Variants in KHDRBS2 observed in about 807,000 individuals in gnomAD.
KHDRBS2 encodes the protein KH RNA binding domain containing, signal transduction associated 2.
Under a neutral mutation model 44.3 loss-of-function variants are expected in KHDRBS2, and 26 were observed. The observed-to-expected ratio is 0.59, with a 90% CI of 0.43 to 0.81. KHDRBS2 has a LOEUF of 0.81. Ranked by LOEUF, KHDRBS2 falls within the 40% of genes least tolerant of loss-of-function variation. The pLI is 0.00. For synonymous variants in KHDRBS2, 194 were observed against 151.1 expected, an observed-to-expected ratio of 1.28 and a Z score of -2.08; for missense variants, 476 against 433.1, an observed-to-expected ratio of 1.10 and a Z score of -0.88.
At position 61,942,413 on chromosome 6, in the gene KHDRBS2, A is replaced by G. The variant is rs183821245; in HGVS notation, c.483+35653T>C. On this transcript the variant is annotated intron_variant, in intron 4 of 8. Coordinates refer to ENST00000281156, the MANE Select transcript of KHDRBS2 (RefSeq NM_152688.4). ...AAAAGAACAAAACAAAAATTCTGCA[A>G]CTGAAGAATGAAATGAAGGAAAAAA... Among the ~76,000 whole-genome samples, 145 of 152,290 alleles carry G rather than the reference A, an allele frequency of 9.5e-4. 1 individual carries two copies. The Middle Eastern group carries it at 0.027, about 29-fold the overall frequency.
intron 2 of KHDRBS2, among the ~76,000 whole-genome samples, chr6:62,058,239 C>A (rs1018621600): frequency 1.3e-5 from 2 of 151,808 alleles, no homozygotes; most frequent in Non-Finnish European, 2.9e-5. Flanking sequence ...ACTGGCATCA[C>A]CTGTGAAGAA....
intron 6 of KHDRBS2, among the ~76,000 whole-genome samples, chr6:61,875,564 A>G (rs979392392): frequency 6.6e-6 from 1 of 152,136 alleles, no homozygotes; most frequent in African/African-American, 2.4e-5. Flanking sequence ...ACAGCTATAT[A>G]ACTGTTTGTC....
chr6:61,587,233 C>T, the KHDRBS2 span, among the ~76,000 whole-genome samples: 3 of 152,152 alleles, frequency 2.0e-5, no homozygotes, highest in African/African-American at 7.2e-5. Context: ...TCTTTTGGAG[C>T]TGCCAATTCA....
chr6:61,795,716 A>G (rs1785249473), intron 6 of KHDRBS2, among the ~76,000 whole-genome samples: 1 of 152,068 alleles, frequency 6.6e-6, no homozygotes, highest in Non-Finnish European at 1.5e-5. Context: ...CCTGAAAATC[A>G]TTTTTACATT....
At chr6:62,066,805 A>T (rs1170373060) in intron 2 of KHDRBS2, among the ~76,000 whole-genome samples, 1 of 151,622 alleles carries the variant, frequency 6.6e-6, no homozygotes, top group Non-Finnish European at 1.5e-5. Context: ...TTCCAAGTGA[A>T]ACATTTTAAA....
chr6:62,163,130 C>A (rs184954512), intron 2 of KHDRBS2, among the ~76,000 whole-genome samples: 6 of 151,912 alleles, frequency 3.9e-5, no homozygotes, highest in African/African-American at 9.6e-5. Flanking sequence ...TATTAAGTTG[C>A]GTGGAAGAGT....
the KHDRBS2 span, among the ~76,000 whole-genome samples, chr6:61,673,951 G>A: frequency 2.0e-5 from 3 of 151,482 alleles, no homozygotes; most frequent in African/African-American, 7.3e-5. Flanking sequence ...AACCAAAAAA[G>A]AGCCCGCATC....
chr6:61,580,558 C>A, the KHDRBS2 span, among the ~76,000 whole-genome samples: 5 of 152,154 alleles, frequency 3.3e-5, no homozygotes, highest in African/African-American at 1.2e-4. Flanking sequence ...GTCTGCACTA[C>A]CTTTATGAGC....
At chr6:61,795,790 G>A (rs925188853) in intron 6 of KHDRBS2, among the ~76,000 whole-genome samples, 1 of 151,982 alleles carries the variant, frequency 6.6e-6, no homozygotes, top group Non-Finnish European at 1.5e-5. Context: ...ATATTCATTG[G>A]CTTGTTTACT....
rs977624711 is a variant in KHDRBS2 at position 62,064,626 on chromosome 6, C to T, written c.220-16632G>A. 7.1e-4 allele frequency among the ~76,000 whole-genome samples: 107 copies of T among 150,226 alleles called. No homozygotes were observed. The Middle Eastern group carries it at 0.01, about 14-fold the overall frequency. Reference sequence around the variant, plus strand: ...CCTTCCTTACACCTTATACAAAAATCAATTCAAGATGGATTAAAGATTTGA... The same window carrying T: ...CCTTCCTTACACCTTATACAAAAATTAATTCAAGATGGATTAAAGATTTGA... On this transcript the variant is annotated intron_variant, in intron 2 of 8. Transcript: ENST00000281156.
At chr6:61,657,626 G>A in the KHDRBS2 span, among the ~76,000 whole-genome samples, 1 of 151,906 alleles carries the variant, frequency 6.6e-6, no homozygotes. Flanking sequence ...ATAGAGCTTG[G>A]GAAAGCTTTG....
chr6:61,886,408 A>G (rs1459033817), intron 6 of KHDRBS2, among the ~76,000 whole-genome samples: 3 of 152,064 alleles, frequency 2.0e-5, no homozygotes, highest in Non-Finnish European at 4.4e-5. Context: ...TCTAAATGTT[A>G]TAACTATTAT....
chr6:61,641,962 C>A, the KHDRBS2 span, among the ~76,000 whole-genome samples: 2 of 152,104 alleles, frequency 1.3e-5, no homozygotes, highest in African/African-American at 4.8e-5. Context: ...CCTCTCAATT[C>A]TACAATTTTA....
chr6:62,057,527 T>A (rs1266307842), intron 2 of KHDRBS2, among the ~76,000 whole-genome samples: 1 of 151,956 alleles, frequency 6.6e-6, no homozygotes, highest in African/African-American at 2.4e-5. Flanking sequence ...CCAATTGACA[T>A]AATCATGACA....
At chr6:62,080,266 T>A (rs1293534283) in intron 2 of KHDRBS2, among the ~76,000 whole-genome samples, 1 of 152,102 alleles carries the variant, frequency 6.6e-6, no homozygotes, top group Non-Finnish European at 1.5e-5. Context: ...TATACATTAT[T>A]TTACTTAGTT....
At chr6:61,968,189 T>C (rs1221480103) in intron 4 of KHDRBS2, among the ~76,000 whole-genome samples, 1 of 151,898 alleles carries the variant, frequency 6.6e-6, no homozygotes, top group African/African-American at 2.4e-5. Flanking sequence ...TGAAGTCTAG[T>C]TTCTAAATAT....
intron 1 of KHDRBS2, among the ~76,000 whole-genome samples, chr6:62,257,937 T>A (rs1837675307): frequency 6.6e-6 from 1 of 152,064 alleles, no homozygotes; most frequent in South Asian, 2.1e-4. Flanking sequence ...GCCTGAAGCA[T>A]GTTTAACTAG....
At chr6:62,064,886 A>T (rs1456411675) in intron 2 of KHDRBS2, among the ~76,000 whole-genome samples, 2 of 150,292 alleles carry the variant, frequency 1.3e-5, no homozygotes, top group East Asian at 3.9e-4. Context: ...TACTCATCTG[A>T]CAAAGGGCTA....
At chr6:61,677,724 G>A (rs533315201), downstream of KHDRBS2, among the ~76,000 whole-genome samples, 3 of 151,930 alleles carry the variant, frequency 2.0e-5, no homozygotes, top group South Asian at 6.2e-4. Flanking sequence ...GTATTTTCAG[G>A]CTTTGCCTTT....
Sources: gnomAD v4.1 joint callset for allele counts (sites outside exome capture counted in the v4.1 genomes callset) on GRCh38, gnomAD v4.1.1 for gene constraint, MANE v1.5 for transcripts, NCBI Gene and HGNC (gene_info 2026-07-23, HGNC 2026-07-21) for gene names.